PXT1: variants seen among roughly 807,000 people sequenced by gnomAD.
The protein encoded by PXT1 is peroxisomal testis enriched protein 1.
A neutral mutation model predicts 11.0 loss-of-function variants in PXT1; 11 were observed. The ratio of observed to expected loss-of-function variants is 1.00; its 90% CI spans 0.63 to 1.66. PXT1 has a LOEUF of 1.66. Among genes scored for constraint, PXT1 ranks in the 40% most tolerant of loss-of-function variants. The pLI, the probability that PXT1 is intolerant of heterozygous loss-of-function variation, is 0.00. For missense variants in PXT1, 141 were observed against 155.5 expected (o/e 0.91, Z 0.49); for synonymous variants, 43 against 51.4 (o/e 0.84, Z 0.70).
At chr6:36,395,902 C>G (rs1278397267) in intron 4 of PXT1, among the ~76,000 whole-genome samples, 1 of 151,976 alleles carries the variant, frequency 6.6e-6, no homozygotes, top group Non-Finnish European at 1.5e-5. Flanking sequence ...ACTCTGGAGG[C>G]CTACGTGGGA....
At position 36,437,047 on chromosome 6, in the gene PXT1, A is replaced by G. The variant is rs914981796; in HGVS notation, c.-10+1720T>C. Among the ~76,000 whole-genome samples, 4 of 152,150 alleles carry G rather than the reference A, an allele frequency of 2.6e-5. No homozygotes were observed. In the East Asian group the frequency reaches 7.7e-4, roughly 29 times the overall value. On this transcript the variant is annotated intron_variant, in intron 2 of 4. Coordinates refer to ENST00000454782, the MANE Select transcript of PXT1 (RefSeq NM_152990.4). ...ATGCCTGTAATCCCAGCACTTTGGG[A>G]GGCTGAGGTGGGCGGATCACTTGAG...
At chr6:36,421,133 A>G (rs1774519213) in intron 3 of PXT1, among the ~76,000 whole-genome samples, 1 of 152,096 alleles carries the variant, frequency 6.6e-6, no homozygotes, top group Non-Finnish European at 1.5e-5. Context: ...TTCTTAGGAT[A>G]AAGCAAATGG....
chr6:36,435,888 C>T (rs1325282245), intron 2 of PXT1, among the ~76,000 whole-genome samples: 4 of 152,006 alleles, frequency 2.6e-5, no homozygotes, highest in Non-Finnish European at 5.9e-5. Context: ...CCCCCTTTTC[C>T]TGCAACATCT....
intron 1 of PXT1, among the ~76,000 whole-genome samples, chr6:36,440,285 C>A (rs1210717499): frequency 6.6e-6 from 1 of 152,070 alleles, no homozygotes; most frequent in Non-Finnish European, 1.5e-5. Flanking sequence ...TAAGAGTCAA[C>A]CTTGACCGGG....
At chr6:36,405,225 C>A (rs1774271179) in intron 3 of PXT1, among the ~76,000 whole-genome samples, 1 of 151,962 alleles carries the variant, frequency 6.6e-6, no homozygotes, top group Non-Finnish European at 1.5e-5. Context: ...TAGAAAAAAT[C>A]TTATAGAATA....
At chr6:36,423,855 A>C (rs1259861103) in intron 3 of PXT1, among the ~76,000 whole-genome samples, 1 of 152,196 alleles carries the variant, frequency 6.6e-6, no homozygotes, top group African/African-American at 2.4e-5. Context: ...GGCCCACCAG[A>C]CTACCAGTCA....
intron 3 of PXT1, among the ~76,000 whole-genome samples, chr6:36,418,182 C>A (rs184918642): frequency 9.3e-5 from 14 of 150,000 alleles, no homozygotes; most frequent in Non-Finnish European, 1.5e-4. Flanking sequence ...GGCGACAGAG[C>A]GAGACTCCGT....
At chr6:36,413,455 C>G (rs763681880) in intron 3 of PXT1, among the ~76,000 whole-genome samples, 1 of 151,902 alleles carries the variant, frequency 6.6e-6, no homozygotes, top group Non-Finnish European at 1.5e-5. Flanking sequence ...ACCAAGTTCT[C>G]AGGACAGCAA....
At chr6:36,403,329 A>C (rs1429698320) in intron 3 of PXT1, among the ~76,000 whole-genome samples, 1 of 152,232 alleles carries the variant, frequency 6.6e-6, no homozygotes, top group Non-Finnish European at 1.5e-5. Context: ...CTTAGCACGG[A>C]CCCTGAACTA....
intron 4 of PXT1, among the ~76,000 whole-genome samples, chr6:36,400,068 T>G (rs1774192744): frequency 6.6e-6 from 1 of 152,252 alleles, no homozygotes; most frequent in African/African-American, 2.4e-5. Context: ...CAGGTGATTC[T>G]AATTGCATCC....
intron 4 of PXT1, among the ~76,000 whole-genome samples, chr6:36,394,034 T>C (rs1456735372): frequency 2.0e-5 from 3 of 152,202 alleles, no homozygotes; most frequent in Non-Finnish European, 2.9e-5. Context: ...CCATTAGCAG[T>C]AGGCTAAGGA....
rs750100424 is a variant in PXT1, at chr6:36,400,511, C to T, written c.243G>A (p.Lys81=). Residue 81 remains lysine (K), a synonymous_variant, in exon 4 of 5, where the codon AAG becomes AAA. Transcript: ENST00000454782. ...QKHHQEEIIH[K]LAMQLRHIGD... ...CAATGTGTCTCAGCTGCATGGCCAA[C>T]TTGTGAATTATTTCCTCCTGGTGAT... The T allele has an allele frequency of 6.2e-7, 1 of 1,614,032 alleles. No individual in the cohort carries two copies. Among genetic ancestry groups the T allele is most frequent in the Non-Finnish European group, 8.5e-7 (1 of 1,179,950 alleles).
intron 3 of PXT1, among the ~76,000 whole-genome samples, chr6:36,405,828 C>T (rs1774281014): frequency 6.6e-6 from 1 of 152,202 alleles, no homozygotes; most frequent in African/African-American, 2.4e-5. Flanking sequence ...TACACAAACA[C>T]CATTGTGTTA....
chr6:36,419,623 G>C (rs111987436), intron 3 of PXT1, among the ~76,000 whole-genome samples: 1 of 152,168 alleles, frequency 6.6e-6, no homozygotes, highest in Admixed American at 6.5e-5. Flanking sequence ...ATAACTCTAA[G>C]ACCTAGCTCA....
intron 2 of PXT1, among the ~76,000 whole-genome samples, chr6:36,431,996 G>T (rs1774699632): frequency 6.6e-6 from 1 of 152,132 alleles, no homozygotes; most frequent in African/African-American, 2.4e-5. Flanking sequence ...GCTTGAACCT[G>T]GGAGGCAGAG....
intron 3 of PXT1, among the ~76,000 whole-genome samples, chr6:36,416,037 A>C (rs1157492969): frequency 6.6e-6 from 1 of 152,092 alleles, no homozygotes. Context: ...AGTCACTACC[A>C]GAAATAAAAA....
intron 3 of PXT1, among the ~76,000 whole-genome samples, chr6:36,402,391 T>C (rs963127907): frequency 6.6e-6 from 1 of 151,800 alleles, no homozygotes; most frequent in Admixed American, 6.6e-5. Flanking sequence ...AAAGCAAGAG[T>C]TGTGTTGAAC....
At position 36,437,265 on chromosome 6, in the gene PXT1, C is replaced by T. The variant is rs112587266; in HGVS notation, c.-10+1502G>A. Among the ~76,000 whole-genome samples, 1,506 of 150,726 alleles carry T rather than the reference C, an allele frequency of 1.0e-2. 13 individuals carry two copies. The highest frequency in any genetic ancestry group is 0.034 in the African/African-American group (1,401 of 40,960). ...TTATACCACTGCACTCCAGCCTGAG[C>T]GACAGAGCGAGACTCCATCTCAAAA... is the stretch of plus-strand genomic sequence containing the variant. On this transcript the variant is annotated intron_variant, in intron 2 of 4. Coordinates refer to ENST00000454782, the MANE Select transcript of PXT1 (RefSeq NM_152990.4).
At chr6:36,406,989 T>C (rs1201190901) in intron 3 of PXT1, among the ~76,000 whole-genome samples, 2 of 152,152 alleles carry the variant, frequency 1.3e-5, no homozygotes, top group Admixed American at 6.5e-5. Context: ...TAAATATCTA[T>C]ATCCATTATT....
Sources: gnomAD v4.1 joint callset for allele counts (sites outside exome capture counted in the v4.1 genomes callset) on GRCh38, gnomAD v4.1.1 for gene constraint, MANE v1.5 for transcripts, NCBI Gene and HGNC (gene_info 2026-07-23, HGNC 2026-07-21) for gene names.